Variants in ATAD3C observed in about 807,000 individuals in gnomAD.
ATAD3C encodes the protein ATPase family AAA domain-containing protein 3C.
ATAD3C carries 38 observed loss-of-function variants against 46.3 expected under a neutral mutation model. The ratio of observed to expected loss-of-function variants is 0.82; its 90% CI spans 0.63 to 1.08. The LOEUF is 1.08. Ranked by LOEUF, ATAD3C falls within the 50% of genes least tolerant of loss-of-function variation. The probability of loss-of-function intolerance (pLI) is 0.00; values close to 1 mark genes in which losing one functional copy is unlikely to be tolerated. For synonymous variants in ATAD3C, 220 were observed against 236.4 expected (o/e 0.93, Z 0.63); for missense variants, 563 against 572.7 (o/e 0.98, Z 0.17).
At chr1:1,454,533 A>G (rs756615055) in intron 4 of ATAD3C, 33 bp downstream of exon 4, 19 of 1,583,826 alleles carry the variant, frequency 1.2e-5, no homozygotes, top group Middle Eastern at 4.5e-4. Flanking sequence ...CCCTGAGTGC[A>G]AGTGCCTGGC....
chr1:1,463,837 A>AGGAGGC (rs1639106435), intron 11 of ATAD3C, among the ~76,000 whole-genome samples: 1 of 151,936 alleles, frequency 6.6e-6, no homozygotes, highest in Non-Finnish European at 1.5e-5. Flanking sequence ...ACTTGAGTCC[A>AGGAGGC]GGAGGCGGAG....
At chr1:1,457,602 AAAAAAAAAAAAAC>A (rs1270145288) in intron 8 of ATAD3C, among the ~76,000 whole-genome samples, 8 of 150,054 alleles carry the variant, frequency 5.3e-5, no homozygotes, top group African/African-American at 1.5e-4. Context: ...TCTCAAAAAA[AAAAAAAAAAAAAC>A]AAAAAAAACA....
rs1049632893 is a variant in ATAD3C, at chr1:1,450,419, C to T, written c.-265C>T. On this transcript the variant is annotated 5_prime_UTR_variant, in exon 1 of 12. Coordinates refer to ENST00000378785, the MANE Select transcript of ATAD3C (RefSeq NM_001039211.3). ...GAATTGGGAAAGAGCCTCCTCCCGT[C>T]CACATGGGATGGCCTTCCTGATGTG... 2 of 475,126 alleles carry T rather than the reference C, an allele frequency of 4.2e-6. No individual in the cohort carries two copies. 29.4% of individuals were successfully genotyped at this position (475,126 alleles called of 1,614,324 possible). A position where few individuals can be genotyped will look rare whatever the true frequency, so the allele number is the denominator to read the frequency against.
Position 1,450,776 on chromosome 1 carries a change from G to C in ATAD3C, c.75+18G>C. The C allele has an allele frequency of 2.5e-6, 4 of 1,612,174 alleles. No individual in the cohort carries two copies. Among genetic ancestry groups the C allele is most frequent in the Non-Finnish European group, 3.4e-6 (4 of 1,179,456 alleles). ...AGCTCAAAGTGAGTGGGGCCGGTGT[G>C]GGCGGGGAGGCCGGGGCACACATGG... On this transcript the variant is annotated intron_variant, in intron 1 of 11. Coordinates refer to ENST00000378785, the MANE Select transcript of ATAD3C (RefSeq NM_001039211.3).
chr1:1,464,599 C>T (rs780045891), intron 11 of ATAD3C, among the ~76,000 whole-genome samples: 3 of 151,684 alleles, frequency 2.0e-5, no homozygotes, highest in Non-Finnish European at 2.9e-5. Context: ...GGTGAAACCC[C>T]GTCTCTACTA....
intron 11 of ATAD3C, among the ~76,000 whole-genome samples, chr1:1,464,537 G>A (rs1394456079): frequency 6.6e-6 from 1 of 151,924 alleles, no homozygotes; most frequent in Non-Finnish European, 1.5e-5. Context: ...TTGGGAAGCT[G>A]AGGTGGGTGG....
In ATAD3C at chr1:1,459,734, A is replaced by G. The variant is rs1275426695; in HGVS notation, c.812+503A>G. Among the ~76,000 whole-genome samples the G allele has an allele frequency of 1.3e-5, 2 of 151,822 alleles. No homozygotes were observed. The highest frequency in any genetic ancestry group is 2.9e-5 in the Non-Finnish European group (2 of 67,934). On this transcript the variant is annotated intron_variant, in intron 9 of 11. Coordinates refer to ENST00000378785, the MANE Select transcript of ATAD3C (RefSeq NM_001039211.3). The surrounding 1 kb of genome is among the most constrained non-coding windows in gnomAD (Gnocchi z 4.9). ...ACCCTCCAGGCTTGGGGCCCACCCG[A>G]CTTTGTGTGGCCTCTGTGGGCTGCC... is the stretch of plus-strand genomic sequence containing the variant.
intron 3 of ATAD3C, among the ~76,000 whole-genome samples, chr1:1,452,714 A>C (rs1638883624): frequency 6.6e-6 from 1 of 151,048 alleles, no homozygotes; most frequent in Non-Finnish European, 1.5e-5. Flanking sequence ...GTAGAGAATC[A>C]CTTGAACCCG....
chr1:1,462,446 C>A lies in ATAD3C; in HGVS notation c.981-154C>A. ...TGCTCAGCCCAGGCCTGGCTTGCGT[C>A]AGGAAGGGGGCGGAACTTGGCTGTC... On this transcript the variant is annotated intron_variant, in intron 10 of 11. Transcript: ENST00000378785. This position sits in a 1 kb window ranked among gnomAD's most constrained non-coding sequence, Gnocchi z 4.5. 2 of 812,918 alleles carry A rather than the reference C, an allele frequency of 2.5e-6. No individual in the cohort carries two copies. The highest frequency in any genetic ancestry group is 4.0e-6 in the Non-Finnish European group (2 of 506,270). 50.4% of individuals were successfully genotyped at this position (812,918 alleles called of 1,614,324 possible). A position where few individuals can be genotyped will look rare whatever the true frequency, so the allele number is the denominator to read the frequency against.
In ATAD3C at chr1:1,457,270, A is replaced by C. The variant is rs1438686128; in HGVS notation, c.741+90A>C. 3 of 1,585,362 alleles carry C rather than the reference A, an allele frequency of 1.9e-6. 1 individual carries two copies. Among genetic ancestry groups the C allele is most frequent in the South Asian group, 2.2e-5 (2 of 90,370 alleles). ...GGGCCAGGCCGCAGCCCACTGCTCA[A>C]TTTCTTTTTCTCTAAGTTTTGTGTG... On this transcript the variant is annotated intron_variant, in intron 8 of 11. Transcript: ENST00000378785.
Position 1,468,440 on chromosome 1 carries a change from C to A in ATAD3C, c.1146C>A (p.Cys382Ter), listed in dbSNP as rs111835061. 1.9e-5 allele frequency: 30 copies of A among 1,613,076 alleles called. No homozygotes were observed. Among genetic ancestry groups the A allele is most frequent in the Non-Finnish European group, 2.5e-5 (30 of 1,179,474 alleles). Residue 382 changes from cysteine (C) to a stop codon, truncating the protein, a stop_gained, in exon 12 of 12, where the codon TGC becomes TGA. Coordinates refer to ENST00000378785, the MANE Select transcript of ATAD3C (RefSeq NM_001039211.3). LOFTEE classifies it low-confidence loss of function (END_TRUNC). ...TGACCGAGGCCATGATGGACGCCTGCGTGCAAGACTTTGTCCAGCAGCACC... is the reference window on the plus strand; with the variant it reads ...TGACCGAGGCCATGATGGACGCCTGAGTGCAAGACTTTGTCCAGCAGCACC... ...GVLTEAMMDACVQDFVQQHQQ... is the reference protein window; with the variant it reads ...GVLTEAMMDA
At chr1:1,457,607 AAAAAAAAC>A (rs1288666256) in intron 8 of ATAD3C, among the ~76,000 whole-genome samples, 10 of 150,282 alleles carry the variant, frequency 6.7e-5, no homozygotes, top group African/African-American at 2.5e-4. Context: ...AAAAAAAAAA[AAAAAAAAC>A]AAAAAAAACA....
At chr1:1,457,532 C>T (rs1256529697) in intron 8 of ATAD3C, among the ~76,000 whole-genome samples, 1 of 134,798 alleles carries the variant, frequency 7.4e-6, no homozygotes, top group Non-Finnish European at 1.5e-5. Context: ...GGAGGCGAAG[C>T]TTGCAGTGAG....
At chr1:1,466,834 T>A (rs1411869692) in intron 11 of ATAD3C, among the ~76,000 whole-genome samples, 1 of 151,952 alleles carries the variant, frequency 6.6e-6, no homozygotes, top group African/African-American at 2.4e-5. Context: ...GTCATTTTTC[T>A]TGTGGTGTCT....
At position 1,468,528 on chromosome 1, in the gene ATAD3C, T is replaced by C; in HGVS notation, c.1234T>C (p.Ter412ArgextTer26). Residue 412 changes from the stop codon to arginine (R), a stop_lost, in exon 12 of 12, where the codon TGA becomes CGA. Transcript: ENST00000378785. Reference sequence around the variant, plus strand: ...GCCCGAGGACGAGCAACCCTCATCCTGAGTCCATGGGGAGACCACACCTCA... The same window carrying C: ...GCCCGAGGACGAGCAACCCTCATCCCGAGTCCATGGGGAGACCACACCTCA... ...PGPEDEQPSS[*>R] The C allele has an allele frequency of 1.2e-6, 2 of 1,605,308 alleles. No homozygotes were observed. The highest frequency in any genetic ancestry group is 2.2e-5 in the East Asian group (1 of 44,720).
At chr1:1,454,059 C>T (rs910944678) in intron 3 of ATAD3C, among the ~76,000 whole-genome samples, 4 of 152,200 alleles carry the variant, frequency 2.6e-5, no homozygotes, top group East Asian at 3.9e-4. Flanking sequence ...ACATATCCAG[C>T]TGGGTCTGCC....
At chr1:1,452,598 C>T (rs1557776275) in intron 3 of ATAD3C, among the ~76,000 whole-genome samples, 164 bp downstream of exon 3, 1 of 151,786 alleles carries the variant, frequency 6.6e-6, no homozygotes, top group Non-Finnish European at 1.5e-5. Context: ...GCTCCTCCCT[C>T]CTTGAGCTGG....
intron 11 of ATAD3C, among the ~76,000 whole-genome samples, chr1:1,463,043 T>C (rs1401548086): frequency 6.6e-6 from 1 of 152,076 alleles, no homozygotes; most frequent in Admixed American, 6.6e-5. Context: ...TGAATGGTCA[T>C]CAGGACAGGC....
At chr1:1,456,068 G>A (rs542832631) in intron 6 of ATAD3C, among the ~76,000 whole-genome samples, 152 bp downstream of exon 6, 2,347 of 146,714 alleles carry the variant, frequency 0.016, 29 homozygotes, top group Admixed American at 0.038. Context: ...GGGCAGCAGC[G>A]CCTCCCATCT....
Sources: gnomAD v4.1 joint callset for allele counts (sites outside exome capture counted in the v4.1 genomes callset) on GRCh38, gnomAD v4.1.1 for gene constraint, Gnocchi (gnomAD v3.1) non-coding constraint, MANE v1.5 for transcripts, NCBI Gene and HGNC (gene_info 2026-07-23, HGNC 2026-07-21) for gene names.